The following MAPK10 variants were observed in gnomAD, a reference collection of about 807,000 sequenced individuals.
MAPK10 encodes the protein JNK3 alpha protein kinase.
MAPK10 carries 25 observed loss-of-function variants against 59.3 expected under a neutral mutation model. The observed-to-expected ratio is 0.42, with a 90% CI of 0.31 to 0.59. The LOEUF is 0.59. MAPK10 is among the 20% of genes least tolerant of loss of function. The probability of loss-of-function intolerance (pLI) is 0.15; values close to 1 mark genes in which losing one functional copy is unlikely to be tolerated. For synonymous variants in MAPK10, 190 were observed against 200.5 expected, an observed-to-expected ratio of 0.95 and a Z score of 0.44; for missense variants, 351 against 568.9, an observed-to-expected ratio of 0.62 and a Z score of 3.90.
intron 2 of MAPK10, among the ~76,000 whole-genome samples, chr4:86,335,878 A>C (rs1476132224): frequency 6.6e-6 from 1 of 152,192 alleles, no homozygotes; most frequent in African/African-American, 2.4e-5. Flanking sequence ...AACCGCCTCC[A>C]TGAGCCAATC....
intron 4 of MAPK10, among the ~76,000 whole-genome samples, chr4:86,146,329 A>G (rs970416585): frequency 1.3e-5 from 2 of 152,244 alleles, no homozygotes; most frequent in Non-Finnish European, 2.9e-5. Flanking sequence ...GAGACAATGT[A>G]AAAATAATGT....
At chr4:86,328,388 T>A (rs2096074145) in intron 2 of MAPK10, among the ~76,000 whole-genome samples, 1 of 152,204 alleles carries the variant, frequency 6.6e-6, no homozygotes, top group African/African-American at 2.4e-5. Context: ...CAGGAACGCT[T>A]TTACACTGTT....
chr4:86,535,352 T>TA (rs1758156653), intron 1 of MAPK10, among the ~76,000 whole-genome samples: 1 of 152,236 alleles, frequency 6.6e-6, no homozygotes, highest in South Asian at 2.1e-4. Flanking sequence ...CACATGAAGA[T>TA]ACAGCCTAAG....
intron 1 of MAPK10, among the ~76,000 whole-genome samples, chr4:86,425,497 T>G (rs1310322650): frequency 6.6e-6 from 1 of 152,214 alleles, no homozygotes. Context: ...TGTTTTGTTT[T>G]GTTTGTTTGG....
chr4:86,310,100 C>G (rs1219425811), intron 2 of MAPK10, among the ~76,000 whole-genome samples: 1 of 152,194 alleles, frequency 6.6e-6, no homozygotes, highest in Admixed American at 6.5e-5. Context: ...TCTCACCTAT[C>G]TCTGACCTGG....
intron 11 of MAPK10, among the ~76,000 whole-genome samples, chr4:86,035,667 G>A (rs2040145170): frequency 6.6e-6 from 1 of 152,018 alleles, no homozygotes; most frequent in Non-Finnish European, 1.5e-5. Flanking sequence ...GTTTTTGATT[G>A]AACATATGTG....
chr4:86,270,346 A>T (rs1040435930), intron 2 of MAPK10, among the ~76,000 whole-genome samples: 4 of 151,976 alleles, frequency 2.6e-5, no homozygotes, highest in African/African-American at 9.7e-5. Flanking sequence ...CAGTGAAGAA[A>T]TATGAGCAAT....
At chr4:86,570,756 A>C (rs1761387539) in intron 1 of MAPK10, among the ~76,000 whole-genome samples, 1 of 152,198 alleles carries the variant, frequency 6.6e-6, no homozygotes, top group South Asian at 2.1e-4. Context: ...GAATGGTTTC[A>C]GGAAAGACTT....
In MAPK10 at chr4:86,579,839, G is replaced by C. The variant is rs140519867; in HGVS notation, c.-263+14071C>G. On this transcript the variant is annotated intron_variant, in intron 1 of 4. Transcript: ENST00000502302. Reference sequence around the variant, plus strand: ...TTAGATTTTTCTTTTTAAGAGACAGGGTCTTGCTCTGTCACCCAGGCTGGA... The same window carrying C: ...TTAGATTTTTCTTTTTAAGAGACAGCGTCTTGCTCTGTCACCCAGGCTGGA... Among the ~76,000 whole-genome samples, 507 of 152,014 alleles carry C rather than the reference G, an allele frequency of 3.3e-3. 1 individual carries two copies. The highest frequency in any genetic ancestry group is 0.012 in the African/African-American group (490 of 41,484).
intron 2 of MAPK10, chr4:86,336,680 G>C (rs769572705): frequency 1.3e-5 from 2 of 151,108 alleles, no homozygotes; most frequent in African/African-American, 2.4e-5. Context: ...CATTCTCCTC[G>C]ACCATACCTA....
chr4:86,293,349 T>C (rs2095276902), intron 2 of MAPK10, among the ~76,000 whole-genome samples: 1 of 152,224 alleles, frequency 6.6e-6, no homozygotes, highest in African/African-American at 2.4e-5. Flanking sequence ...GAAGACTGAC[T>C]TAAGCCTGTA....
In MAPK10 at chr4:86,087,490, T is replaced by C. The variant is rs1579998393; in HGVS notation, c.802+11034A>G. Among the ~76,000 whole-genome samples, 5 of 152,156 alleles carry C rather than the reference T, an allele frequency of 3.3e-5. No homozygotes were observed. In the East Asian group the frequency reaches 9.6e-4, roughly 29 times the overall value. On this transcript the variant is annotated intron_variant, in intron 9 of 13. Transcript: ENST00000641462. ...AAGAAATCTGAAGGAATTCAGTTTT[T>C]ATAAAGCCAGCTAGTTTCAAATAGC...
upstream of MAPK10, among the ~76,000 whole-genome samples, chr4:86,453,714 G>A (rs1229301396): frequency 6.6e-6 from 1 of 151,812 alleles, no homozygotes; most frequent in East Asian, 1.9e-4. Context: ...TATACCCTTG[G>A]GAGTTCCAAG....
chr4:86,316,576 C>T (rs1366815850), intron 2 of MAPK10, among the ~76,000 whole-genome samples: 7 of 152,080 alleles, frequency 4.6e-5, no homozygotes, highest in Non-Finnish European at 1.0e-4. Context: ...GGTGAATTTG[C>T]AATTATTTCT....
chr4:86,554,090 G>A (rs1269639507), intron 1 of MAPK10, among the ~76,000 whole-genome samples: 2 of 151,862 alleles, frequency 1.3e-5, no homozygotes, highest in South Asian at 2.1e-4. Context: ...AGGACGAGGG[G>A]GTAGTCATGG....
intron 13 of MAPK10, among the ~76,000 whole-genome samples, chr4:86,022,935 T>G (rs1444723246): frequency 2.0e-5 from 3 of 152,368 alleles, no homozygotes; most frequent in Admixed American, 6.5e-5. Context: ...CACACATATT[T>G]TTAATTTTTA....
chr4:86,230,224 T>A (rs1322105082), intron 2 of MAPK10, among the ~76,000 whole-genome samples: 2 of 152,222 alleles, frequency 1.3e-5, no homozygotes, highest in African/African-American at 2.4e-5. Context: ...AAAAAATATT[T>A]CTCATTGAGT....
chr4:86,162,276 G>A (rs536633711), intron 3 of MAPK10, among the ~76,000 whole-genome samples: 1 of 151,838 alleles, frequency 6.6e-6, no homozygotes, highest in Non-Finnish European at 1.5e-5. Context: ...TATATATTCT[G>A]GAATAGAGTA....
intron 4 of MAPK10, among the ~76,000 whole-genome samples, chr4:86,129,200 G>GT (rs1278088371): frequency 1.3e-5 from 2 of 152,092 alleles, no homozygotes; most frequent in Non-Finnish European, 2.9e-5. Context: ...AGGAAACTGA[G>GT]TCCCATGGTG....
Sources: allele counts gnomAD v4.1 joint callset (sites outside exome capture counted in the v4.1 genomes callset), GRCh38; gene constraint gnomAD v4.1.1; transcripts MANE v1.5; gene names NCBI Gene and HGNC (gene_info 2026-07-23, HGNC 2026-07-21).